Variants in ADAM8 observed in about 807,000 individuals in gnomAD.
ADAM8 encodes the protein ADAM metallopeptidase domain 8, also known as disintegrin and metalloproteinase domain-containing protein 8.
In ADAM8, 104 loss-of-function variants were observed where a neutral mutation model predicts 102.4. The observed-to-expected ratio is 1.02, with a 90% CI of 0.87 to 1.20. The LOEUF is 1.20. Ranked by LOEUF, ADAM8 falls within the 50% of genes most tolerant of loss-of-function variation. The probability of loss-of-function intolerance (pLI) is 0.00; values close to 1 mark genes in which losing one functional copy is unlikely to be tolerated. For synonymous variants in ADAM8, 517 were observed against 485.2 expected (o/e 1.07, Z -0.86); for missense variants, 1,132 against 1,159.0 (o/e 0.98, Z 0.34).
In ADAM8 at chr10:133,269,851, G is replaced by A. The variant is rs374462932; in HGVS notation, c.1863+46C>T. The stretch of plus-strand genomic sequence containing the variant: ...TGTCCCCAGCACCGGCTCCCTCAGA[G>A]CGGCAGCCTCTGTGCAGGGGCCCTG... On this transcript the variant is annotated intron_variant, in intron 17 of 22. Coordinates refer to ENST00000445355, the MANE Select transcript of ADAM8 (RefSeq NM_001109.5). 607 of 1,599,486 alleles carry A rather than the reference G, an allele frequency of 3.8e-4. 1 individual carries two copies. The highest frequency in any genetic ancestry group is 4.9e-4 in the Non-Finnish European group (577 of 1,169,300).
intron 21 of ADAM8, among the ~76,000 whole-genome samples, chr10:133,264,352 C>A (rs921092505): frequency 6.6e-6 from 1 of 152,206 alleles, no homozygotes; most frequent in African/African-American, 2.4e-5. Flanking sequence ...TGAGCCAATG[C>A]GCCTGGCCTG....
At chr10:133,271,388 C>A in intron 12 of ADAM8, 99 bp from the exon 13 acceptor site, 1 of 1,487,036 alleles carries the variant, frequency 6.7e-7, no homozygotes, top group Non-Finnish European at 9.1e-7. Flanking sequence ...TGCCCTGCAG[C>A]CACTCCCTCC....
rs371346490 is a variant in ADAM8, at chr10:133,271,531, G to A, written c.1281C>T (p.Pro427=). 1.1e-5 allele frequency: 17 copies of A among 1,551,976 alleles called. No individual in the cohort carries two copies. The highest frequency in any genetic ancestry group is 8.1e-5 in the African/African-American group (6 of 73,866). The change falls in exon 12 of 23, where the codon CCC becomes CCT. Residue 427 remains proline, a synonymous_variant. Coordinates refer to ENST00000445355, the MANE Select transcript of ADAM8 (RefSeq NM_001109.5). ...ERGEQCDCGP[P]EDCRNRCCNS... ...CAGGTATGGGGCATGGACGCACCTC[G>A]GGGGGGCCGCAGTCGCACTGCTCCC...
At chr10:133,263,572 CCA>C in intron 22 of ADAM8, 114 bp downstream of exon 22, 1 of 878,158 alleles carries the variant, frequency 1.1e-6, no homozygotes, top group Non-Finnish European at 1.7e-6. Flanking sequence ...CCAAGTTTAT[CCA>C]CAGATAATCA....
At chr10:133,271,454 G>C (rs1329799796) in intron 12 of ADAM8, 74 bp downstream of exon 12, 8 of 1,489,370 alleles carry the variant, frequency 5.4e-6, no homozygotes, top group Non-Finnish European at 7.2e-6. Context: ...GATGTGCAGT[G>C]GTCACCCTGG....
At chr10:133,263,661 T>A in intron 22 of ADAM8, 27 bp downstream of exon 22, 1 of 389,798 alleles carries the variant, frequency 2.6e-6, no homozygotes, top group East Asian at 1.4e-4. Context: ...CACAGTGGAC[T>A]CTGCCTGGTG....
chr10:133,267,581 C>T (rs1042882084), intron 20 of ADAM8, among the ~76,000 whole-genome samples, 164 bp from the exon 21 acceptor site: 38 of 152,244 alleles, frequency 2.5e-4, no homozygotes, highest in African/African-American at 8.7e-4. Context: ...CCATTCCTCC[C>T]CTCAGCCGTG....
rs1397156614 is a variant in ADAM8 at position 133,271,932 on chromosome 10, C to T, written c.980G>A (p.Gly327Asp). 10 of 1,611,792 alleles carry T rather than the reference C, an allele frequency of 6.2e-6. No homozygotes were observed. Among genetic ancestry groups the T allele is most frequent in the Non-Finnish European group, 8.5e-6 (10 of 1,179,150 alleles). ...VNQDHSKNPV[G>D]VACTMAHEMG... ...CTCATGGGCCATGGTACAGGCCACG[C>T]CCACGGGGTTCTTGCTGTGGTCCTG... is the stretch of plus-strand genomic sequence containing the variant. Residue 327 changes from glycine (G) to aspartate (D), a missense_variant, in exon 11 of 23, where the codon GGC becomes GAC. Coordinates refer to ENST00000445355, the MANE Select transcript of ADAM8 (RefSeq NM_001109.5).
intron 21 of ADAM8, 118 bp downstream of exon 21, chr10:133,267,234 G>A: frequency 8.5e-7 from 1 of 1,175,166 alleles, no homozygotes; most frequent in South Asian, 1.3e-5. Flanking sequence ...CCAGCCTTCT[G>A]TGTACAGCAG....
chr10:133,263,010 A>C lies in ADAM8; in HGVS notation c.*146T>G. 2.1e-6 allele frequency: 2 copies of C among 956,970 alleles called. No homozygotes were observed. The highest frequency in any genetic ancestry group is 3.4e-6 in the Non-Finnish European group (2 of 592,816). 59.3% of individuals were successfully genotyped at this position (956,970 alleles called of 1,614,324 possible). The stretch of plus-strand genomic sequence containing the variant: ...CGTGGACAGCAGGAGCCTCTCAGGT[A>C]GATGCATTCCTGAGGTTAGAACAGC... On this transcript the variant is annotated 3_prime_UTR_variant, in exon 23 of 23. Transcript: ENST00000445355.
intron 17 of ADAM8, among the ~76,000 whole-genome samples, 163 bp from the exon 18 acceptor site, chr10:133,269,692 C>T (rs548802363): frequency 2.0e-5 from 3 of 152,336 alleles, no homozygotes; most frequent in African/African-American, 7.2e-5. Context: ...AGCCCCTGCC[C>T]GCTGCCCGGT....
Position 133,271,835 on chromosome 10 carries a change from G to C in ADAM8, c.1077C>G (p.Ala359=), listed in dbSNP as rs749071796. Residue 359 remains alanine, a synonymous_variant, in exon 11 of 23, where the codon GCC becomes GCG. Transcript: ENST00000445355. Reference sequence around the variant, plus strand: ...TGCTGCCCGCCATGATGCAGCGGCCGGCCTCGAAGCGTTCCTGGCAGCGGC... The same window carrying C: ...TGCTGCCCGCCATGATGCAGCGGCCCGCCTCGAAGCGTTCCTGGCAGCGGC... ...QGCRCQERFE[A]GRCIMAGSIG... is the part of the protein sequence containing the mutation. The C allele has an allele frequency of 1.9e-6, 3 of 1,612,264 alleles. No individual in the cohort carries two copies. Among genetic ancestry groups the C allele is most frequent in the South Asian group, 2.2e-5 (2 of 91,072 alleles).
At chr10:133,270,705 A>G in intron 15 of ADAM8, 31 bp downstream of exon 15, 1 of 1,577,552 alleles carries the variant, frequency 6.3e-7, no homozygotes. Context: ...GGAACAGCAC[A>G]TGTCCTGGGC....
At chr10:133,267,821 C>G (rs1446842664) in intron 20 of ADAM8, 108 bp downstream of exon 20, 1 of 1,103,896 alleles carries the variant, frequency 9.1e-7, no homozygotes. Context: ...CTGGCCTGTG[C>G]GTGAATTTAA....
rs1846664250 is a variant in ADAM8 at position 133,274,387 on chromosome 10, C to CAGGGTAGAGGGTGG, written c.151-166_151-153dup. 3 of 274,870 alleles carry CAGGGTAGAGGGTGG rather than the reference C, an allele frequency of 1.1e-5. No individual in the cohort carries two copies. The Admixed American group carries it at 1.7e-4, about 15-fold the overall frequency. The allele number at this position is 274,870 out of a possible 1,614,324, so 17.0% of individuals were successfully genotyped here. The stretch of plus-strand genomic sequence containing the variant: ...ATCCTGGAGGGTCCACAGCCTCAGG[C>CAGGGTAGAGGGTGG]AGGGTAGAGGGTGGAGGGTGGAGGG... On this transcript the variant is annotated intron_variant, in intron 2 of 22. Coordinates refer to ENST00000445355, the MANE Select transcript of ADAM8 (RefSeq NM_001109.5).
intron 5 of ADAM8, 149 bp downstream of exon 5, chr10:133,273,613 G>A (rs1846631949): frequency 7.9e-7 from 1 of 1,262,306 alleles, no homozygotes; most frequent in South Asian, 1.5e-5. Flanking sequence ...TCTTGGGCTT[G>A]GCGTCCCCTG....
rs909999027 is a variant in ADAM8, at chr10:133,268,302, T to C, written c.2064-184A>G. On this transcript the variant is annotated intron_variant, in intron 19 of 22. Coordinates refer to ENST00000445355, the MANE Select transcript of ADAM8 (RefSeq NM_001109.5). ...TGAAGAGGCAGGGACACCCCCTCCA[T>C]GTCCTGGGGGCCCCAGTCAGGTGGG... Among the ~76,000 whole-genome samples, 54 of 152,248 alleles carry C rather than the reference T, an allele frequency of 3.5e-4. 1 individual carries two copies. The highest frequency in any genetic ancestry group is 1.1e-3 in the African/African-American group (46 of 41,554).
intron 8 of ADAM8, 49 bp downstream of exon 8, chr10:133,272,749 A>AC: frequency 7.6e-7 from 1 of 1,317,072 alleles, no homozygotes; most frequent in Non-Finnish European, 1.0e-6. Flanking sequence ...CACCCCCCCC[A>AC]CCTCCCGCCA....
At chr10:133,271,465 C>A in intron 12 of ADAM8, 63 bp downstream of exon 12, 1 of 1,502,072 alleles carries the variant, frequency 6.7e-7, no homozygotes, top group Non-Finnish European at 8.9e-7. Context: ...GTCACCCTGG[C>A]CTGAAGGGAC....
Sources: gnomAD v4.1 joint callset for allele counts (sites outside exome capture counted in the v4.1 genomes callset) on GRCh38, gnomAD v4.1.1 for gene constraint, MANE v1.5 for transcripts, NCBI Gene and HGNC (gene_info 2026-07-23, HGNC 2026-07-21) for gene names.